The following GPC6 variants were observed in gnomAD, a reference collection of about 807,000 sequenced individuals.
GPC6 encodes glypican 6, also known as glypican-6.
Under a neutral mutation model 55.2 loss-of-function variants are expected in GPC6, and 14 were observed. That is an observed-to-expected ratio of 0.25 (90% CI 0.17 to 0.40). The LOEUF (loss-of-function observed/expected upper bound fraction) is 0.40. GPC6 is among the 10% of genes least tolerant of loss of function. The probability of loss-of-function intolerance (pLI) is 1.00; values close to 1 mark genes in which losing one functional copy is unlikely to be tolerated. For missense variants in GPC6, 641 were observed against 708.5 expected (o/e 0.90, Z 1.08); for synonymous variants, 278 against 259.6 (o/e 1.07, Z -0.68).
At chr13:93,912,516 G>C (rs1316850270) in intron 3 of GPC6, among the ~76,000 whole-genome samples, 1 of 152,122 alleles carries the variant, frequency 6.6e-6, no homozygotes, top group African/African-American at 2.4e-5. Context: ...GGCCAAGGCG[G>C]GCGGATCACA....
At chr13:93,334,558 G>A (rs1415200990) in intron 1 of GPC6, among the ~76,000 whole-genome samples, 2 of 152,100 alleles carry the variant, frequency 1.3e-5, no homozygotes, top group African/African-American at 4.8e-5. Context: ...TGCCTCCTGG[G>A]TTCAAGCGAT....
At chr13:94,040,127 G>A (rs548690803) in intron 4 of GPC6, among the ~76,000 whole-genome samples, 28 of 151,828 alleles carry the variant, frequency 1.8e-4, no homozygotes, top group African/African-American at 5.1e-4. Context: ...CTCATTGCAC[G>A]AAATCTAGAA....
intron 3 of GPC6, among the ~76,000 whole-genome samples, chr13:93,971,241 A>G (rs1433634417): frequency 6.6e-6 from 1 of 152,218 alleles, no homozygotes; most frequent in Non-Finnish European, 1.5e-5. Context: ...GAAATCTTCT[A>G]AAATAATTCA....
Position 93,245,692 on chromosome 13 carries a change from T to C in GPC6, c.160+18076T>C, listed in dbSNP as rs1325097588. ...ATTTCTTTCAGAGTGGGCAGTCACC[T>C]TTTGGATAATGGTTTTTGTATTGTT... On this transcript the variant is annotated intron_variant, in intron 1 of 8. Coordinates refer to ENST00000377047, the MANE Select transcript of GPC6 (RefSeq NM_005708.5). Among the ~76,000 whole-genome samples the C allele has an allele frequency of 2.0e-5, 3 of 152,344 alleles. No homozygotes were observed. In the East Asian group the frequency reaches 5.8e-4, roughly 29 times the overall value.
chr13:94,149,998 G>A (rs866620126), intron 4 of GPC6, among the ~76,000 whole-genome samples: 1 of 151,910 alleles, frequency 6.6e-6, no homozygotes, highest in Non-Finnish European at 1.5e-5. Context: ...AAAGGTATAG[G>A]CCAGGATAAC....
chr13:93,221,798 AG>A, the GPC6 span, among the ~76,000 whole-genome samples: 3 of 152,164 alleles, frequency 2.0e-5, no homozygotes, highest in Non-Finnish European at 4.4e-5. Context: ...GTTTTTCAAG[AG>A]GCAGGTTAAC....
At chr13:94,314,116 A>G (rs1876398764) in intron 6 of GPC6, among the ~76,000 whole-genome samples, 1 of 152,232 alleles carries the variant, frequency 6.6e-6, no homozygotes, top group African/African-American at 2.4e-5. Context: ...GTGACTGTTT[A>G]GAAAAGCCGT....
At chr13:93,739,277 CT>C (rs1884115640) in intron 2 of GPC6, among the ~76,000 whole-genome samples, 1 of 152,032 alleles carries the variant, frequency 6.6e-6, no homozygotes, top group African/African-American at 2.4e-5. Context: ...GAATTTTCTC[CT>C]TCTATAAGCA....
At chr13:94,125,499 G>A (rs955323964) in intron 4 of GPC6, among the ~76,000 whole-genome samples, 1 of 152,036 alleles carries the variant, frequency 6.6e-6, no homozygotes, top group African/African-American at 2.4e-5. Flanking sequence ...AGGGAAAAAG[G>A]CTTTTAAAAA....
Position 94,043,757 on chromosome 13 carries a change from A to C in GPC6, c.877+15863A>C, listed in dbSNP as rs76672652. 7.9e-3 allele frequency among the ~76,000 whole-genome samples: 1,198 copies of C among 151,996 alleles called. 9 individuals are homozygous for C. The highest frequency in any genetic ancestry group is 0.013 in the Non-Finnish European group (901 of 67,882). ...AGAATGTATATAAGTTGGAGTTGCT[A>C]ACCCATACTCCTTTAAGAAATATAT... On this transcript the variant is annotated intron_variant, in intron 4 of 8. Coordinates refer to ENST00000377047, the MANE Select transcript of GPC6 (RefSeq NM_005708.5).
intron 1 of GPC6, among the ~76,000 whole-genome samples, chr13:93,480,591 G>A (rs958393503): frequency 1.3e-5 from 2 of 152,032 alleles, no homozygotes; most frequent in Non-Finnish European, 2.9e-5. Context: ...CACCACTCTC[G>A]ATTTCTTGAA....
At chr13:93,635,864 G>C (rs759607008) in intron 2 of GPC6, among the ~76,000 whole-genome samples, 1 of 152,106 alleles carries the variant, frequency 6.6e-6, no homozygotes, top group Non-Finnish European at 1.5e-5. Context: ...CAGAGCCTGC[G>C]GTTTGTAGTG....
At chr13:94,048,031 T>TAA (rs144530493) in intron 4 of GPC6, among the ~76,000 whole-genome samples, 3 of 149,448 alleles carry the variant, frequency 2.0e-5, no homozygotes, top group Non-Finnish European at 4.5e-5. Flanking sequence ...AGTTGGCAAT[T>TAA]AAAAAAAAAA....
chr13:94,264,769 C>T (rs929254970), intron 4 of GPC6, among the ~76,000 whole-genome samples: 2 of 152,166 alleles, frequency 1.3e-5, no homozygotes, highest in Admixed American at 1.3e-4. Flanking sequence ...TACAGTCATA[C>T]CCAAGACGGG....
intron 6 of GPC6, among the ~76,000 whole-genome samples, chr13:94,373,194 A>C (rs1290275153): frequency 7.9e-5 from 12 of 152,160 alleles, no homozygotes; most frequent in African/African-American, 2.9e-4. Flanking sequence ...CTCACCAGCA[A>C]TGGAACAAAG....
intron 1 of GPC6, among the ~76,000 whole-genome samples, chr13:93,478,787 C>A (rs1305344814): frequency 6.6e-6 from 1 of 152,126 alleles, no homozygotes; most frequent in Non-Finnish European, 1.5e-5. Flanking sequence ...TGGAAGATAA[C>A]CTCCCAAACT....
chr13:93,946,253 G>A (rs1177046450), intron 3 of GPC6, among the ~76,000 whole-genome samples: 1 of 152,068 alleles, frequency 6.6e-6, no homozygotes, highest in African/African-American at 2.4e-5. Flanking sequence ...CATAGGTAGT[G>A]GTAAAATGTA....
At chr13:93,694,832 C>T (rs868688899) in intron 2 of GPC6, among the ~76,000 whole-genome samples, 25 of 152,090 alleles carry the variant, frequency 1.6e-4, no homozygotes, top group Admixed American at 1.0e-3. Flanking sequence ...GGATCAGCCT[C>T]AACAACATTC....
At chr13:93,464,344 CATT>C (rs1275841917) in intron 1 of GPC6, among the ~76,000 whole-genome samples, 1 of 152,140 alleles carries the variant, frequency 6.6e-6, no homozygotes, top group Non-Finnish European at 1.5e-5. Context: ...TATGTGATAA[CATT>C]GTAGCCATGG....
Sources: allele counts gnomAD v4.1 joint callset (sites outside exome capture counted in the v4.1 genomes callset), GRCh38; gene constraint gnomAD v4.1.1; transcripts MANE v1.5; gene names NCBI Gene and HGNC (gene_info 2026-07-23, HGNC 2026-07-21).